The following GOLGA3 variants were observed in gnomAD, a reference collection of about 807,000 sequenced individuals.
The protein encoded by GOLGA3 is golgin A3.
A neutral mutation model predicts 169.4 loss-of-function variants in GOLGA3; 75 were observed. The ratio of observed to expected loss-of-function variants is 0.44; its 90% CI spans 0.37 to 0.54. GOLGA3 has a LOEUF of 0.54. Ranked by LOEUF, GOLGA3 falls within the 20% of genes least tolerant of loss-of-function variation. GOLGA3 has a pLI of 0.00. For missense variants in GOLGA3, 1,899 were observed against 1,930.0 expected (o/e 0.98, Z 0.30); for synonymous variants, 824 against 822.4 (o/e 1.00, Z -0.03).
At chr12:132,782,835 C>A (rs1396805431) in intron 16 of GOLGA3, among the ~76,000 whole-genome samples, 1 of 151,250 alleles carries the variant, frequency 6.6e-6, no homozygotes, top group Non-Finnish European at 1.5e-5. Flanking sequence ...GAGATTGTGC[C>A]CCTGCACTCC....
chr12:132,789,156 C>T lies in GOLGA3; in HGVS notation c.2682G>A (p.Lys894=), dbSNP rs769195428. The change falls in exon 13 of 24, where the codon AAG becomes AAA. Residue 894 remains lysine, a synonymous_variant. Coordinates refer to ENST00000450791, the MANE Select transcript of GOLGA3 (RefSeq NM_001389683.1). The stretch of plus-strand genomic sequence containing the variant: ...GCGAGAGCTCCGCCTCGGCAGTCCG[C>T]TTCTCCCCGTGCACTTGCATCAGCT... ...RQELMQVHGE[K]RTAEAELSRL... 1.2e-5 allele frequency: 19 copies of T among 1,612,602 alleles called. No homozygotes were observed. The South Asian group carries it at 2.1e-4, about 18-fold the overall frequency.
chr12:132,778,691 T>C (rs537782080), intron 18 of GOLGA3, among the ~76,000 whole-genome samples: 2 of 151,212 alleles, frequency 1.3e-5, no homozygotes, highest in Admixed American at 6.6e-5. Context: ...GGTCAGGAGA[T>C]TGAGACCATC....
chr12:132,786,315 C>A (rs375340887), intron 15 of GOLGA3, 24 bp downstream of exon 15: 10 of 1,511,418 alleles, frequency 6.6e-6, no homozygotes, highest in Non-Finnish European at 3.6e-6. Flanking sequence ...TGACCCTGGC[C>A]GGGGATGGCA....
chr12:132,814,821 T>A (rs993797851), intron 3 of GOLGA3, among the ~76,000 whole-genome samples: 8 of 152,320 alleles, frequency 5.3e-5, no homozygotes, highest in Non-Finnish European at 1.0e-4. Flanking sequence ...ATTTAAAATA[T>A]CTAAAACCCA....
chr12:132,789,379 T>A, intron 12 of GOLGA3, 89 bp from the exon 13 acceptor site: 1 of 1,164,846 alleles, frequency 8.6e-7, no homozygotes, highest in Non-Finnish European at 1.2e-6. Context: ...CAAAAATGTT[T>A]ACCACTTATC....
intron 2 of GOLGA3, among the ~76,000 whole-genome samples, chr12:132,820,753 C>T (rs139644550): frequency 1.2e-4 from 18 of 152,238 alleles, no homozygotes; most frequent in Admixed American, 3.3e-4. Context: ...TAGATCTCTA[C>T]GGGACGACTT....
rs1566122573 is a variant in GOLGA3, at chr12:132,807,905, G to C, written c.1164C>G (p.Asp388Glu). 2 of 1,600,092 alleles carry C rather than the reference G, an allele frequency of 1.2e-6. No individual in the cohort carries two copies. The highest frequency in any genetic ancestry group is 2.2e-5 in the South Asian group (2 of 90,584). The change falls in exon 5 of 24, where the codon GAC (aspartate) becomes GAG (glutamate). Residue 388 changes from aspartate to glutamate, a missense_variant. By Grantham distance (45) the Asp-to-Glu change is conservative. Coordinates refer to ENST00000450791, the MANE Select transcript of GOLGA3 (RefSeq NM_001389683.1). ...EVNGEVRSRRDSICSSVSLES... is the reference protein window; with the variant it reads ...EVNGEVRSRRESICSSVSLES... ...GTCCCCACCACCTGCTGCAGATGCT[G>C]TCTCTCCGACTCCGCACCTCCCCGT...
intron 7 of GOLGA3, among the ~76,000 whole-genome samples, chr12:132,802,285 A>C (rs191313571): frequency 1.6e-4 from 24 of 152,222 alleles, no homozygotes; most frequent in Non-Finnish European, 4.4e-5. Context: ...GCGTCGATTC[A>C]TTCACACCGA....
intron 2 of GOLGA3, among the ~76,000 whole-genome samples, chr12:132,819,484 G>C (rs183952533): frequency 1.3e-5 from 2 of 152,142 alleles, no homozygotes; most frequent in Non-Finnish European, 2.9e-5. Context: ...AGCTGAGGTC[G>C]TGCCACTGCA....
chr12:132,779,085 A>G (rs1337394003), intron 18 of GOLGA3, among the ~76,000 whole-genome samples: 1 of 151,716 alleles, frequency 6.6e-6, no homozygotes, highest in Non-Finnish European at 1.5e-5. Flanking sequence ...TATTCCAGCC[A>G]CATTTTTTTT....
chr12:132,778,005 T>C (rs2045345809), intron 18 of GOLGA3, among the ~76,000 whole-genome samples, 200 bp from the exon 19 acceptor site: 1 of 152,266 alleles, frequency 6.6e-6, no homozygotes, highest in South Asian at 2.1e-4. Flanking sequence ...TGCACACTTA[T>C]GTGGCTGCTG....
At chr12:132,822,959 C>T (rs1214428971) in intron 1 of GOLGA3, among the ~76,000 whole-genome samples, 1 of 152,166 alleles carries the variant, frequency 6.6e-6, no homozygotes, top group Non-Finnish European at 1.5e-5. Flanking sequence ...GACTCACAGG[C>T]CCCCCTCTCA....
chr12:132,795,017 T>C (rs1157398066), intron 11 of GOLGA3, among the ~76,000 whole-genome samples: 1 of 151,962 alleles, frequency 6.6e-6, no homozygotes, highest in Non-Finnish European at 1.5e-5. Flanking sequence ...TGAAACCCCA[T>C]CTCTACTAAA....
At chr12:132,801,128 C>G (rs1314053309) in intron 8 of GOLGA3, among the ~76,000 whole-genome samples, 1 of 152,254 alleles carries the variant, frequency 6.6e-6, no homozygotes, top group Non-Finnish European at 1.5e-5. Flanking sequence ...TGGGCCGAGG[C>G]ACAGGCCTGG....
intron 17 of GOLGA3, among the ~76,000 whole-genome samples, chr12:132,781,264 C>CA (rs557191652): frequency 5.2e-4 from 77 of 147,460 alleles, no homozygotes; most frequent in Admixed American, 1.2e-3. Context: ...GACCCTGTCT[C>CA]AAAAAAAAAA....
At chr12:132,811,198 G>A (rs1008804825) in intron 4 of GOLGA3, among the ~76,000 whole-genome samples, 1 of 151,104 alleles carries the variant, frequency 6.6e-6, no homozygotes, top group Non-Finnish European at 1.5e-5. Flanking sequence ...CTTGGTGGTA[G>A]TGGTCCCCCC....
intron 4 of GOLGA3, among the ~76,000 whole-genome samples, chr12:132,810,775 G>A (rs1406971685): frequency 6.6e-6 from 1 of 152,176 alleles, no homozygotes; most frequent in Non-Finnish European, 1.5e-5. Context: ...GTTTAGAGAA[G>A]ACTCTACTCC....
chr12:132,780,868 T>C lies in GOLGA3; in HGVS notation c.3512A>G (p.Lys1171Arg), dbSNP rs2045561830. ...GGCCTGCAGGGCCTGGACAAGATGC[T>C]TCATCTGGCGATCCTCCTCTTCTTT... ...QRKEEEDRQM[K>R]HLVQALQASL... Residue 1171 changes from lysine (K) to arginine (R), a missense_variant, in exon 18 of 24, where the codon AAG becomes AGG. Physicochemically the swap from Lys to Arg is conservative, Grantham distance 26 (BLOSUM62 2). Transcript: ENST00000450791. 22 of 1,612,456 alleles carry C rather than the reference T, an allele frequency of 1.4e-5. No individual in the cohort carries two copies. Among genetic ancestry groups the C allele is most frequent in the Non-Finnish European group, 1.9e-5 (22 of 1,180,008 alleles).
At chr12:132,790,053 C>T (rs967077730) in intron 12 of GOLGA3, among the ~76,000 whole-genome samples, 4 of 151,940 alleles carry the variant, frequency 2.6e-5, no homozygotes, top group East Asian at 1.9e-4. Context: ...AATTACAGGC[C>T]GGGCGTGGTG....
Sources: allele counts gnomAD v4.1 joint callset (sites outside exome capture counted in the v4.1 genomes callset), GRCh38; gene constraint gnomAD v4.1.1; transcripts MANE v1.5; gene names NCBI Gene and HGNC (gene_info 2026-07-23, HGNC 2026-07-21).